PLCH1: variants seen among roughly 807,000 people sequenced by gnomAD.
PLCH1 encodes the protein phospholipase C eta 1, also known as 1-phosphatidylinositol 4,5-bisphosphate phosphodiesterase eta-1.
PLCH1 carries 60 observed loss-of-function variants against 126.7 expected under a neutral mutation model. That is an observed-to-expected ratio of 0.47 (90% CI 0.38 to 0.59). PLCH1 has a LOEUF of 0.59. Ranked by LOEUF, PLCH1 falls within the 20% of genes least tolerant of loss-of-function variation. The pLI is 0.00. For synonymous variants in PLCH1, 719 were observed against 734.9 expected (o/e 0.98, Z 0.35); for missense variants, 1,723 against 2,040.0 (o/e 0.84, Z 2.99).
intron 21 of PLCH1, among the ~76,000 whole-genome samples, chr3:155,467,254 CA>C (rs768841188): frequency 7.4e-4 from 105 of 142,842 alleles, no homozygotes; most frequent in South Asian, 9.0e-4. Context: ...GTCTTCTGAC[CA>C]AAAAAAAAAA....
chr3:155,560,784 C>G (rs904567613), intron 8 of PLCH1, among the ~76,000 whole-genome samples: 1 of 152,102 alleles, frequency 6.6e-6, no homozygotes, highest in Non-Finnish European at 1.5e-5. Flanking sequence ...GCACATTCCC[C>G]ACCAAAATCA....
chr3:155,707,579 C>T (rs1183759279), intron 1 of PLCH1, among the ~76,000 whole-genome samples: 1 of 151,788 alleles, frequency 6.6e-6, no homozygotes, highest in East Asian at 1.9e-4. Flanking sequence ...ATCCCAGCTA[C>T]TCGGGAGGCT....
chr3:155,693,825 G>A (rs186270988), intron 2 of PLCH1, among the ~76,000 whole-genome samples: 4 of 152,138 alleles, frequency 2.6e-5, no homozygotes, highest in African/African-American at 9.6e-5. Flanking sequence ...AGCTCCTTGA[G>A]AGGCTGAGGC....
chr3:155,638,671 T>C (rs559311678), intron 2 of PLCH1, among the ~76,000 whole-genome samples: 3 of 152,372 alleles, frequency 2.0e-5, no homozygotes, highest in African/African-American at 7.2e-5. Flanking sequence ...GCCATGTTTA[T>C]AATCTTAGAG....
At chr3:155,582,648 G>T (rs2108592230) in intron 6 of PLCH1, among the ~76,000 whole-genome samples, 1 of 152,214 alleles carries the variant, frequency 6.6e-6, no homozygotes, top group East Asian at 1.9e-4. Context: ...GAACAAAGGA[G>T]TTAAGCAGCT....
chr3:155,683,240 C>A (rs939406786), intron 2 of PLCH1, among the ~76,000 whole-genome samples: 1 of 152,166 alleles, frequency 6.6e-6, no homozygotes, highest in African/African-American at 2.4e-5. Flanking sequence ...TTATTGATCT[C>A]CCCTTCGAGA....
chr3:155,482,450 A>G lies in PLCH1; in HGVS notation c.3576T>C (p.Ile1192=). The G allele has an allele frequency of 1.2e-6, 2 of 1,614,194 alleles. No homozygotes were observed. Among genetic ancestry groups the G allele is most frequent in the Non-Finnish European group, 8.5e-7 (1 of 1,180,028 alleles). Residue 1192 remains isoleucine (I), a synonymous_variant, in exon 23 of 23, where the codon ATT becomes ATC. Coordinates refer to ENST00000460012, the MANE Select transcript of PLCH1 (RefSeq NM_014996.4). The part of the protein sequence containing the change: ...NEPGSSISAL[I]GQFDETNNQA... ...GATTGTTGGTCTCATCAAACTGGCC[A>G]ATCAGGGCTGAGATGGAACTGCCCG...
intron 2 of PLCH1, among the ~76,000 whole-genome samples, chr3:155,693,069 C>T (rs993591127): frequency 2.4e-4 from 37 of 151,948 alleles, no homozygotes; most frequent in African/African-American, 8.9e-4. Flanking sequence ...GGCGTGCGCC[C>T]GGCCTAATCA....
intron 10 of PLCH1, among the ~76,000 whole-genome samples, chr3:155,528,434 A>G (rs1722253764): frequency 1.3e-5 from 2 of 152,180 alleles, no homozygotes; most frequent in African/African-American, 2.4e-5. Context: ...AAGGTACTCA[A>G]TTAAGAGGTG....
intron 21 of PLCH1, among the ~76,000 whole-genome samples, chr3:155,455,135 T>C (rs772981611): frequency 2.0e-5 from 3 of 152,182 alleles, no homozygotes; most frequent in African/African-American, 4.8e-5. Context: ...GATATTTGTG[T>C]CACCGGAATG....
At chr3:155,552,300 T>G (rs1431098447) in intron 9 of PLCH1, among the ~76,000 whole-genome samples, 1 of 152,240 alleles carries the variant, frequency 6.6e-6, no homozygotes, top group Non-Finnish European at 1.5e-5. Context: ...AATAAGAGAT[T>G]GCTCATATTT....
At chr3:155,542,945 G>C (rs978003970) in intron 10 of PLCH1, among the ~76,000 whole-genome samples, 1 of 152,126 alleles carries the variant, frequency 6.6e-6, no homozygotes, top group Non-Finnish European at 1.5e-5. Context: ...GGAAAAAACA[G>C]AGCAGAAAAA....
chr3:155,598,824 C>T (rs959439264), intron 2 of PLCH1, among the ~76,000 whole-genome samples: 12 of 152,106 alleles, frequency 7.9e-5, no homozygotes, highest in East Asian at 1.9e-4. Context: ...CTGGCACATC[C>T]GAAACACCAA....
chr3:155,551,985 G>T (rs1451717289), intron 9 of PLCH1, among the ~76,000 whole-genome samples: 1 of 152,158 alleles, frequency 6.6e-6, no homozygotes, highest in African/African-American at 2.4e-5. Context: ...CACCCATTTG[G>T]CTAGGACCTG....
downstream of PLCH1, among the ~76,000 whole-genome samples, chr3:155,479,261 G>A (rs1051587947): frequency 6.6e-6 from 1 of 152,150 alleles, no homozygotes; most frequent in African/African-American, 2.4e-5. Flanking sequence ...CAAGGTCTAA[G>A]GATAGAATTA....
intron 2 of PLCH1, among the ~76,000 whole-genome samples, chr3:155,693,745 C>T (rs1745588470): frequency 6.6e-6 from 1 of 152,132 alleles, no homozygotes; most frequent in Admixed American, 6.5e-5. Flanking sequence ...GCCTGGTCAA[C>T]ATGGTGAAAC....
chr3:155,609,807 A>G (rs1247134973), intron 2 of PLCH1, among the ~76,000 whole-genome samples: 1 of 152,090 alleles, frequency 6.6e-6, no homozygotes, highest in Non-Finnish European at 1.5e-5. Context: ...CAGAGCTCAA[A>G]GACAAGGGTT....
chr3:155,468,587 T>A (rs1411923908), intron 21 of PLCH1, among the ~76,000 whole-genome samples: 2 of 151,308 alleles, frequency 1.3e-5, no homozygotes, highest in South Asian at 2.1e-4. Context: ...AGAGCAGGAG[T>A]CACTATACTT....
At chr3:155,648,335 G>A (rs568890954) in intron 2 of PLCH1, among the ~76,000 whole-genome samples, 1 of 152,188 alleles carries the variant, frequency 6.6e-6, no homozygotes, top group African/African-American at 2.4e-5. Context: ...AGATGTTAGG[G>A]CCTTGGGAAG....
Sources: gnomAD v4.1 joint callset for allele counts (sites outside exome capture counted in the v4.1 genomes callset) on GRCh38, gnomAD v4.1.1 for gene constraint, MANE v1.5 for transcripts, NCBI Gene and HGNC (gene_info 2026-07-23, HGNC 2026-07-21) for gene names.